ZNF420: variants seen among roughly 807,000 people sequenced by gnomAD.
The protein encoded by ZNF420 is ATM and p53-associated KZNF protein.
ZNF420 carries 31 observed loss-of-function variants against 44.7 expected under a neutral mutation model. The ratio of observed to expected loss-of-function variants is 0.69; its 90% CI spans 0.52 to 0.94. The LOEUF is 0.94. ZNF420 is among the 40% of genes least tolerant of loss of function. The pLI, the probability that ZNF420 is intolerant of heterozygous loss-of-function variation, is 0.00. For missense variants in ZNF420, 681 were observed against 827.9 expected (o/e 0.82, Z 2.18); for synonymous variants, 245 against 267.4 (o/e 0.92, Z 0.82).
intron 4 of ZNF420, among the ~76,000 whole-genome samples, chr19:37,110,731 A>G (rs1970344445): frequency 6.6e-6 from 1 of 152,202 alleles, no homozygotes; most frequent in African/African-American, 2.4e-5. Context: ...CTTTGAGCCA[A>G]TTGATACTGA....
intron 4 of ZNF420, among the ~76,000 whole-genome samples, chr19:37,114,236 G>A (rs563459944): frequency 2.0e-5 from 3 of 152,286 alleles, no homozygotes; most frequent in South Asian, 4.1e-4. Flanking sequence ...ATAGTGGGCT[G>A]CTGAGGATAT....
chr19:37,029,743 C>T (rs183065847), intron 1 of ZNF420, among the ~76,000 whole-genome samples: 12 of 151,916 alleles, frequency 7.9e-5, no homozygotes, highest in African/African-American at 2.7e-4. Context: ...GGCCTGATGT[C>T]GTGATCCACC....
chr19:37,037,087 C>G (rs1209537224), intron 1 of ZNF420, among the ~76,000 whole-genome samples: 4 of 152,164 alleles, frequency 2.6e-5, no homozygotes, highest in African/African-American at 9.6e-5. Context: ...AGGCCCCATG[C>G]AAGCTCCATC....
chr19:37,062,365 T>G (rs1490233792), intron 1 of ZNF420, among the ~76,000 whole-genome samples: 1 of 152,170 alleles, frequency 6.6e-6, no homozygotes, highest in East Asian at 1.9e-4. Flanking sequence ...AAAGAAGATA[T>G]GGAGAGGGCT....
chr19:37,127,766 G>C lies in ZNF420; in HGVS notation c.775G>C (p.Ala259Pro). Residue 259 changes from alanine to proline, a missense_variant, in exon 5 of 5, where the codon GCC becomes CCC. This residue lies in a region of ZNF420 where 350 missense variants were observed against 382.5 expected (regional missense o/e 0.92). Transcript: ENST00000337995. ...KPYECKECGK[A>P]FTQNSQLTLH... is the part of the protein sequence containing the mutation. ...TTATGAATGTAAAGAATGTGGGAAG[G>C]CCTTTACTCAGAATTCACAACTTAC... 1 of 1,613,904 alleles carries C rather than the reference G, an allele frequency of 6.2e-7. No individual in the cohort carries two copies. The highest frequency in any genetic ancestry group is 8.5e-7 in the Non-Finnish European group (1 of 1,179,948).
At chr19:37,076,172 T>G (rs897209859), upstream of ZNF420, among the ~76,000 whole-genome samples, 1 of 152,144 alleles carries the variant, frequency 6.6e-6, no homozygotes, top group Non-Finnish European at 1.5e-5. Flanking sequence ...TACTTTTAAG[T>G]GATAGCTTCC....
chr19:37,103,228 A>G (rs1313022154), intron 4 of ZNF420, among the ~76,000 whole-genome samples: 3 of 152,122 alleles, frequency 2.0e-5, no homozygotes, highest in Non-Finnish European at 4.4e-5. Flanking sequence ...TTCTATAACA[A>G]ACATCATATA....
intron 4 of ZNF420, among the ~76,000 whole-genome samples, chr19:37,119,689 G>T (rs1180309404): frequency 1.3e-5 from 2 of 152,070 alleles, no homozygotes; most frequent in Non-Finnish European, 2.9e-5. Flanking sequence ...CCAGGAGCTG[G>T]TTTTTTGAAA....
intron 1 of ZNF420, among the ~76,000 whole-genome samples, chr19:37,024,274 G>A (rs2074669218): frequency 6.6e-6 from 1 of 152,008 alleles, no homozygotes; most frequent in Non-Finnish European, 1.5e-5. Context: ...TGTATTGATT[G>A]ATCTCATGCC....
At chr19:37,117,076 C>T (rs551035625) in intron 4 of ZNF420, among the ~76,000 whole-genome samples, 163 of 152,020 alleles carry the variant, frequency 1.1e-3, no homozygotes, top group African/African-American at 3.9e-3. Flanking sequence ...CAGACTTAAA[C>T]GTCCCTGTCT....
At chr19:37,090,668 TCC>T (rs1969081829) in intron 3 of ZNF420, among the ~76,000 whole-genome samples, 1 of 152,094 alleles carries the variant, frequency 6.6e-6, no homozygotes, top group African/African-American at 2.4e-5. Context: ...ACACCTGTAA[TCC>T]CAGCACTTTG....
intron 1 of ZNF420, among the ~76,000 whole-genome samples, chr19:37,008,566 C>T (rs950187589): frequency 1.3e-5 from 2 of 152,166 alleles, no homozygotes; most frequent in Non-Finnish European, 1.5e-5. Context: ...AGCAGACCGA[C>T]GTCAAAGATG....
intron 1 of ZNF420, among the ~76,000 whole-genome samples, chr19:37,017,260 T>C (rs562998333): frequency 6.6e-6 from 1 of 152,292 alleles, no homozygotes; most frequent in African/African-American, 2.4e-5. Context: ...AGTAGTCTTG[T>C]GGGACTGAGC....
intron 4 of ZNF420, among the ~76,000 whole-genome samples, chr19:37,104,865 T>C (rs1377294844): frequency 6.6e-6 from 1 of 152,202 alleles, no homozygotes; most frequent in Non-Finnish European, 1.5e-5. Flanking sequence ...TTTCTTCTTA[T>C]AAATTTGAGT....
chr19:37,102,184 G>A (rs1237296979), intron 4 of ZNF420, among the ~76,000 whole-genome samples: 4 of 120,982 alleles, frequency 3.3e-5, no homozygotes, highest in East Asian at 2.4e-4. Flanking sequence ...GTCTCCCACC[G>A]TGTCTACACG....
intron 1 of ZNF420, among the ~76,000 whole-genome samples, chr19:37,066,211 G>A (rs978047833): frequency 3.9e-5 from 6 of 152,174 alleles, no homozygotes; most frequent in East Asian, 1.9e-4. Context: ...GGGAGGCTGC[G>A]GCGGGTGGAT....
At chr19:37,041,563 A>C (rs554400687) in intron 1 of ZNF420, among the ~76,000 whole-genome samples, 62 of 152,300 alleles carry the variant, frequency 4.1e-4, no homozygotes, top group African/African-American at 1.4e-3. Flanking sequence ...GAGGAAAAGC[A>C]ATCTGTCTTC....
At chr19:37,011,080 T>C (rs976668014) in intron 1 of ZNF420, among the ~76,000 whole-genome samples, 1 of 152,196 alleles carries the variant, frequency 6.6e-6, no homozygotes, top group Non-Finnish European at 1.5e-5. Flanking sequence ...CTGCCTGGGC[T>C]CTCGCCTCTG....
chr19:37,101,921 G>A (rs77916801), intron 4 of ZNF420, among the ~76,000 whole-genome samples: 4,845 of 152,270 alleles, frequency 0.032, 191 homozygotes, highest in African/African-American at 0.087. Context: ...AGGCTGGCAA[G>A]CCTATCTTGT....
Sources: allele counts gnomAD v4.1 joint callset (sites outside exome capture counted in the v4.1 genomes callset), GRCh38; gene constraint gnomAD v4.1.1; regional missense constraint gnomAD v4.1.1; transcripts MANE v1.5; gene names NCBI Gene and HGNC (gene_info 2026-07-23, HGNC 2026-07-21).